B3GNT7: variants seen among roughly 807,000 people sequenced by gnomAD.
B3GNT7 encodes the protein BGnT-7.
A neutral mutation model predicts 5.1 loss-of-function variants in B3GNT7; 9 were observed. The ratio of observed to expected loss-of-function variants is 1.77; its 90% CI spans 1.07 to 3.09. The LOEUF (loss-of-function observed/expected upper bound fraction) is 3.09. B3GNT7 is among the 30% of genes most tolerant of loss of function. B3GNT7 has a pLI of 0.00. For missense variants in B3GNT7, 468 were observed against 550.8 expected, an observed-to-expected ratio of 0.85 and a Z score of 1.50; for synonymous variants, 253 against 248.6, an observed-to-expected ratio of 1.02 and a Z score of -0.17.
chr2:231,398,277 C>T lies in B3GNT7; in HGVS notation c.558C>T (p.Arg186=), dbSNP rs771932380. The T allele has an allele frequency of 1.2e-6, 2 of 1,612,824 alleles. No individual in the cohort carries two copies. ...LLGTASKQEE[R]THYQQLLAYE... ...GCACGGCCTCCAAGCAGGAGGAGCG[C>T]ACGCACTACCAGCAGCTGCTGGCCT... is the stretch of plus-strand genomic sequence containing the variant. The change falls in exon 2 of 2, where the codon CGC becomes CGT. Residue 186 remains arginine (R), a synonymous_variant. Transcript: ENST00000287590.
rs757363376 is a variant in B3GNT7 at position 231,398,854 on chromosome 2, C to T, written c.1135C>T (p.Pro379Ser). ...AMLVVHKLLP[P>S]ELLAMWGLVH... ...GCTCGTGGTGCACAAGCTGCTGCCC[C>T]CTGAGCTGCTCGCCATGTGGGGGCT... The change falls in exon 2 of 2, where the codon CCT becomes TCT. Residue 379 changes from proline (P) to serine (S), a missense_variant. By Grantham distance (74) the Pro-to-Ser change is moderately conservative. Transcript: ENST00000287590. The T allele has an allele frequency of 1.4e-5, 22 of 1,600,362 alleles. No homozygotes were observed. In the Admixed American group the frequency reaches 3.5e-4, roughly 25 times the overall value.
Position 231,398,530 on chromosome 2 carries a change from C to G in B3GNT7, c.811C>G (p.His271Asp). The change falls in exon 2 of 2, where the codon CAC (histidine) becomes GAC (aspartate). Residue 271 changes from histidine to aspartate, a missense_variant. His to Asp is a moderately conservative substitution (Grantham distance 81). Transcript: ENST00000287590. ...CCTGTTCGTGGGCGATGTCCTGCAG[C>G]ACGCTCGGCCCATTCGCAGGAAAGA... ...ENLFVGDVLQ[H>D]ARPIRRKDNK... The G allele has an allele frequency of 6.2e-7, 1 of 1,613,620 alleles. No individual in the cohort carries two copies. The highest frequency in any genetic ancestry group is 1.1e-5 in the South Asian group (1 of 91,084).
Position 231,398,616 on chromosome 2 carries a change from C to A in B3GNT7, c.897C>A (p.Gly299=), listed in dbSNP as rs768922009. The change falls in exon 2 of 2, where the codon GGC becomes GGA. Residue 299 remains glycine, a synonymous_variant. Coordinates refer to ENST00000287590, the MANE Select transcript of B3GNT7 (RefSeq NM_145236.3). ...AGGCCAGCTATCCGCCGTATGCAGG[C>A]GGCGGTGGCTTCCTCATGGCCGGCA... is the stretch of plus-strand genomic sequence containing the variant. ...YGKASYPPYA[G]GGGFLMAGSL... 14 of 1,612,448 alleles carry A rather than the reference C, an allele frequency of 8.7e-6. No individual in the cohort carries two copies. The South Asian group carries it at 1.4e-4, about 16-fold the overall frequency.
Position 231,398,224 on chromosome 2 carries a change from GGCGCCGTGCGCACCCTCTTCCT to G in B3GNT7, c.508_529del (p.Ala170TrpfsTer39). The G allele has an allele frequency of 6.9e-6, 11 of 1,602,986 alleles. No homozygotes were observed. The highest frequency in any genetic ancestry group is 9.4e-6 in the Non-Finnish European group (11 of 1,174,352). On this transcript the variant is annotated frameshift_variant, in exon 2 of 2. Coordinates refer to ENST00000287590, the MANE Select transcript of B3GNT7 (RefSeq NM_145236.3). LOFTEE classifies it low-confidence loss of function (END_TRUNC). ...GCGGCAGTCCGCGGGTGGGGGCCGA[GGCGCCGTGCGCACCCTCTTCCT>G]GCTGGGCACGGCCTCCAAGCAGGAG...
rs760145688 is a variant in B3GNT7 at position 231,397,892 on chromosome 2, C to T, written c.173C>T (p.Pro58Leu). The T allele has an allele frequency of 8.7e-6, 14 of 1,613,732 alleles. No homozygotes were observed. The highest frequency in any genetic ancestry group is 1.6e-4 in the Middle Eastern group (1 of 6,084). ...AAGCCAAATGGACAGCTGGTGAACC[C>T]CAACAACTTCTGGAAGAACCCGAAA... ...AQKPNGQLVN[P>L]NNFWKNPKDV... Residue 58 changes from proline to leucine, a missense_variant, in exon 2 of 2, where the codon CCC becomes CTC. Transcript: ENST00000287590.
intron 1 of B3GNT7, among the ~76,000 whole-genome samples, chr2:231,397,501 T>C (rs2046524985): frequency 6.6e-6 from 1 of 152,028 alleles, no homozygotes; most frequent in African/African-American, 2.4e-5. Flanking sequence ...CTTGTAAGCG[T>C]CAGGGCCTGA....
chr2:231,395,718 C>T lies in B3GNT7; in HGVS notation c.-86C>T. On this transcript the variant is annotated 5_prime_UTR_variant, in exon 1 of 2. Transcript: ENST00000287590. The surrounding 1 kb of genome is among the most constrained non-coding windows in gnomAD (Gnocchi z 7.3). ...CGGGGGCGCGGCCCGGTCTCCGTCC[C>T]CACCCGCCCGCCGTCCCGCCGGCCC... The T allele has an allele frequency of 8.8e-7, 1 of 1,133,500 alleles. No homozygotes were observed. The allele number at this position is 1,133,500 out of a possible 1,614,324, so 70.2% of individuals were successfully genotyped here.
At position 231,399,284 on chromosome 2, in the gene B3GNT7, T is replaced by G; in HGVS notation, c.*359T>G. 3.6e-6 allele frequency: 1 copy of G among 276,786 alleles called. No homozygotes were observed. The highest frequency in any genetic ancestry group is 6.8e-6 in the Non-Finnish European group (1 of 146,048). 17.1% of individuals were successfully genotyped at this position (276,786 alleles called of 1,614,324 possible). A position where few individuals can be genotyped will look rare whatever the true frequency, so the allele number is the denominator to read the frequency against. The stretch of plus-strand genomic sequence containing the variant: ...GAACGCTGTGCTCAGGTACCTGGGC[T>G]AGGCCTGGCCTGATGGGTCTGTGGC... On this transcript the variant is annotated 3_prime_UTR_variant, in exon 2 of 2. Transcript: ENST00000287590.
In B3GNT7 at chr2:231,400,969, T is replaced by A. The variant is rs1387801058; in HGVS notation, c.*2044T>A. ...TGTGTGAGAAAGCACCGTAAAACTT[T>A]TTGTCCTATTAGCTGATGTGTGTAG... On this transcript the variant is annotated 3_prime_UTR_variant, in exon 2 of 2. Transcript: ENST00000287590. The A allele has an allele frequency of 6.6e-6, 1 of 152,192 alleles. No homozygotes were observed. Among genetic ancestry groups the A allele is most frequent in the East Asian group, 1.9e-4 (1 of 5,198 alleles). 9.4% of individuals were successfully genotyped at this position (152,192 alleles called of 1,614,324 possible).
Position 231,398,295 on chromosome 2 carries a change from G to T in B3GNT7, c.576G>T (p.Leu192=), listed in dbSNP as rs763438179. ...KQEERTHYQQ[L]LAYEDRLYGD... ...AGGAGCGCACGCACTACCAGCAGCT[G>T]CTGGCCTACGAAGACCGCCTCTACG... The change falls in exon 2 of 2, where the codon CTG becomes CTT. Residue 192 remains leucine, a synonymous_variant. Coordinates refer to ENST00000287590, the MANE Select transcript of B3GNT7 (RefSeq NM_145236.3). The T allele has an allele frequency of 2.5e-6, 4 of 1,613,000 alleles. No homozygotes were observed. The African/African-American group carries it at 5.3e-5, about 22-fold the overall frequency.
In B3GNT7 at chr2:231,397,936, C is replaced by T. The variant is rs754749746; in HGVS notation, c.217C>T (p.Pro73Ser). 6 of 1,613,152 alleles carry T rather than the reference C, an allele frequency of 3.7e-6. No homozygotes were observed. Among genetic ancestry groups the T allele is most frequent in the African/African-American group, 1.3e-5 (1 of 74,942 alleles). ...KNPKDVAAPT[P>S]MASQGPQAWD... is the part of the protein sequence containing the mutation. ...CCCGAAAGATGTGGCTGCGCCCACGCCCATGGCCTCTCAGGGGCCCCAGGC... is the reference window on the plus strand; with the variant it reads ...CCCGAAAGATGTGGCTGCGCCCACGTCCATGGCCTCTCAGGGGCCCCAGGC... The change falls in exon 2 of 2, where the codon CCC becomes TCC. Residue 73 changes from proline to serine, a missense_variant. Coordinates refer to ENST00000287590, the MANE Select transcript of B3GNT7 (RefSeq NM_145236.3).
At position 231,395,733 on chromosome 2, in the gene B3GNT7, C is replaced by A; in HGVS notation, c.-71C>A. On this transcript the variant is annotated 5_prime_UTR_variant, in exon 1 of 2. Transcript: ENST00000287590. The surrounding 1 kb of genome is among the most constrained non-coding windows in gnomAD (Gnocchi z 7.3). ...GTCTCCGTCCCCACCCGCCCGCCGT[C>A]CCGCCGGCCCGAGCCGTGGCGCCCA... 1 of 1,148,234 alleles carries A rather than the reference C, an allele frequency of 8.7e-7. No homozygotes were observed. Among genetic ancestry groups the A allele is most frequent in the South Asian group, 4.0e-5 (1 of 25,056 alleles). 71.1% of individuals were successfully genotyped at this position (1,148,234 alleles called of 1,614,324 possible).
At position 231,397,863 on chromosome 2, in the gene B3GNT7, C is replaced by T. The variant is rs532531850; in HGVS notation, c.144C>T (p.Ala48=). The T allele has an allele frequency of 1.9e-6, 3 of 1,613,858 alleles. No homozygotes were observed. In the East Asian group the frequency reaches 6.7e-5, roughly 36 times the overall value. ...CACCCACCCTGGAGCCACAGAAGGC[C>T]CAGAAGCCAAATGGACAGCTGGTGA... ...PPPPTLEPQK[A]QKPNGQLVNP... The change falls in exon 2 of 2, where the codon GCC becomes GCT. Residue 48 remains alanine (A), a synonymous_variant. Transcript: ENST00000287590.
intron 1 of B3GNT7, 77 bp from the exon 2 acceptor site, chr2:231,397,654 G>C: frequency 1.4e-6 from 2 of 1,392,994 alleles, no homozygotes; most frequent in Non-Finnish European, 1.9e-6. Flanking sequence ...GGACCACCCA[G>C]CCTCCCAAGG....
At position 231,398,869 on chromosome 2, in the gene B3GNT7, A is replaced by G. The variant is rs1249718276; in HGVS notation, c.1150A>G (p.Met384Val). 2 of 1,597,986 alleles carry G rather than the reference A, an allele frequency of 1.3e-6. No individual in the cohort carries two copies. Among genetic ancestry groups the G allele is most frequent in the Non-Finnish European group, 1.7e-6 (2 of 1,178,978 alleles). The change falls in exon 2 of 2, where the codon ATG becomes GTG. Residue 384 changes from methionine to valine, a missense_variant. Transcript: ENST00000287590. ...HKLLPPELLA[M>V]WGLVHSNLTC... ...GCTGCTGCCCCCTGAGCTGCTCGCC[A>G]TGTGGGGGCTGGTGCACAGCAATCT...
In B3GNT7 at chr2:231,398,155, C is replaced by A; in HGVS notation, c.436C>A (p.Gln146Lys). The change falls in exon 2 of 2, where the codon CAG becomes AAG. Residue 146 changes from glutamine to lysine, a missense_variant. By Grantham distance (53) the Gln-to-Lys change is moderately conservative. Coordinates refer to ENST00000287590, the MANE Select transcript of B3GNT7 (RefSeq NM_145236.3). Reference protein sequence around the residue: ...LLVVVKSVITQHDRREAIRQT... With the variant: ...LLVVVKSVITKHDRREAIRQT... ...GGTGGTTGTCAAGTCGGTCATCACG[C>A]AGCACGACCGCCGCGAGGCCATCCG... is the stretch of plus-strand genomic sequence containing the variant. 2 of 1,595,050 alleles carry A rather than the reference C, an allele frequency of 1.3e-6. No homozygotes were observed. Among genetic ancestry groups the A allele is most frequent in the Non-Finnish European group, 1.7e-6 (2 of 1,170,180 alleles).
chr2:231,397,977 C>G lies in B3GNT7; in HGVS notation c.258C>G (p.Thr86=), dbSNP rs765135137. The stretch of plus-strand genomic sequence containing the variant: ...GGCCCCAGGCCTGGGACGTGACCAC[C>G]ACTAACTGCTCAGCCAATATCAACT... ...SQGPQAWDVT[T]TNCSANINLT... Residue 86 remains threonine (T), a synonymous_variant, in exon 2 of 2, where the codon ACC becomes ACG. Transcript: ENST00000287590. 5.0e-6 allele frequency: 8 copies of G among 1,611,940 alleles called. No homozygotes were observed. The highest frequency in any genetic ancestry group is 3.3e-5 in the Admixed American group (2 of 60,016).
intron 1 of B3GNT7, among the ~76,000 whole-genome samples, chr2:231,396,244 G>T (rs2046513009): frequency 6.6e-6 from 1 of 152,120 alleles, no homozygotes; most frequent in African/African-American, 2.4e-5. Flanking sequence ...GCCCCTCTCC[G>T]CCCCTCCCGG....
At position 231,398,514 on chromosome 2, in the gene B3GNT7, G is replaced by C; in HGVS notation, c.795G>C (p.Val265=). 6.2e-7 allele frequency: 1 copy of C among 1,613,648 alleles called. No individual in the cohort carries two copies. Among genetic ancestry groups the C allele is most frequent in the Non-Finnish European group, 8.5e-7 (1 of 1,179,880 alleles). The change falls in exon 2 of 2, where the codon GTG becomes GTC. Residue 265 remains valine (V), a synonymous_variant. Transcript: ENST00000287590. The part of the protein sequence containing the change: ...ADRQPQENLF[V]GDVLQHARPI... The stretch of plus-strand genomic sequence containing the variant: ...GGCAGCCACAGGAAAACCTGTTCGT[G>C]GGCGATGTCCTGCAGCACGCTCGGC...
Sources: allele counts gnomAD v4.1 joint callset (sites outside exome capture counted in the v4.1 genomes callset), GRCh38; gene constraint gnomAD v4.1.1; non-coding constraint Gnocchi (gnomAD v3.1); transcripts MANE v1.5; gene names NCBI Gene and HGNC (gene_info 2026-07-23, HGNC 2026-07-21).